PTPRM: variants seen among roughly 807,000 people sequenced by gnomAD.
The protein encoded by PTPRM is protein tyrosine phosphatase receptor type M, also known as receptor-type tyrosine-protein phosphatase mu.
In PTPRM, 47 loss-of-function variants were observed where a neutral mutation model predicts 186.7. The observed-to-expected ratio is 0.25, with a 90% confidence interval of 0.20 to 0.32. The LOEUF is 0.32. Ranked by LOEUF, PTPRM falls within the 10% of genes least tolerant of loss-of-function variation. The pLI is 1.00. For missense variants in PTPRM, 1,494 were observed against 1,865.0 expected, an observed-to-expected ratio of 0.80 and a Z score of 3.66; for synonymous variants, 668 against 674.9, an observed-to-expected ratio of 0.99 and a Z score of 0.16.
rs35120781 is a variant in PTPRM at position 7,687,778 on chromosome 18, A to ATT, written c.74-86354_74-86353dup. ...TGGAGCATAAACAAGGAGCTATAAG[A>ATT]TTTTTTTTTTTTTTTTTTAAGACGG... On this transcript the variant is annotated intron_variant, in intron 1 of 32. Coordinates refer to ENST00000580170, the MANE Select transcript of PTPRM (RefSeq NM_001105244.2). 3.2e-3 allele frequency among the ~76,000 whole-genome samples: 447 copies of ATT among 140,392 alleles called. 3 individuals are homozygous for ATT. Among genetic ancestry groups the ATT allele is most frequent in the African/African-American group, 0.011 (404 of 38,006 alleles). The allele number at this position is 140,392 out of a possible 152,430, so 92.1% of individuals were successfully genotyped here. A position where few individuals can be genotyped will look rare whatever the true frequency, so the allele number is the denominator to read the frequency against.
intron 11 of PTPRM, among the ~76,000 whole-genome samples, chr18:8,108,330 A>G (rs1365513468): frequency 1.3e-5 from 2 of 152,118 alleles, no homozygotes; most frequent in Non-Finnish European, 1.5e-5. Flanking sequence ...TTAGAGGATT[A>G]GCAAAAACAA....
chr18:8,270,811 CAG>C (rs1172937503), intron 19 of PTPRM, among the ~76,000 whole-genome samples: 19 of 152,008 alleles, frequency 1.2e-4, no homozygotes, highest in African/African-American at 4.1e-4. Context: ...GTCATAGAAA[CAG>C]AGTAGAACGA....
intron 19 of PTPRM, among the ~76,000 whole-genome samples, chr18:8,266,515 T>G (rs1461558213): frequency 1.3e-5 from 2 of 152,266 alleles, no homozygotes; most frequent in African/African-American, 4.8e-5. Context: ...AGAGCCCATG[T>G]TTTTGACCAG....
chr18:8,307,773 C>T (rs1404198143), intron 20 of PTPRM, among the ~76,000 whole-genome samples: 1 of 151,468 alleles, frequency 6.6e-6, no homozygotes, highest in Non-Finnish European at 1.5e-5. Flanking sequence ...CATTGCACTC[C>T]AGCCTGGGCA....
chr18:7,757,106 A>T (rs1009404646), intron 1 of PTPRM, among the ~76,000 whole-genome samples: 3 of 152,168 alleles, frequency 2.0e-5, no homozygotes, highest in Non-Finnish European at 1.5e-5. Context: ...TGCCTCTCAG[A>T]ACTTCTCCCA....
chr18:8,267,933 C>T (rs150918767), intron 19 of PTPRM, among the ~76,000 whole-genome samples: 1 of 152,090 alleles, frequency 6.6e-6, no homozygotes, highest in African/African-American at 2.4e-5. Flanking sequence ...TTGTTCGTAT[C>T]CTTTGCATCT....
intron 24 of PTPRM, 33 bp from the exon 25 acceptor site, chr18:8,376,013 C>A (rs1167243458): frequency 1.3e-6 from 2 of 1,585,526 alleles, no homozygotes; most frequent in South Asian, 1.1e-5. Flanking sequence ...TTCCCTTGTT[C>A]TCTTCCTTGT....
At chr18:7,753,852 T>TC (rs1262910143) in intron 1 of PTPRM, among the ~76,000 whole-genome samples, 2 of 152,158 alleles carry the variant, frequency 1.3e-5, no homozygotes, top group African/African-American at 4.8e-5. Context: ...TTCTATTTTT[T>TC]TTTTGGCTGT....
chr18:8,038,750 T>C (rs187550943), intron 7 of PTPRM, among the ~76,000 whole-genome samples: 23 of 152,304 alleles, frequency 1.5e-4, no homozygotes, highest in South Asian at 4.1e-4. Flanking sequence ...GTCACAGTGT[T>C]CATAGTATTT....
At chr18:8,008,192 A>T (rs2147837352) in intron 7 of PTPRM, among the ~76,000 whole-genome samples, 1 of 152,306 alleles carries the variant, frequency 6.6e-6, no homozygotes, top group African/African-American at 2.4e-5. Context: ...CCCTGCTACC[A>T]GCCCCATATC....
chr18:7,726,530 T>C (rs1355542231), intron 1 of PTPRM, among the ~76,000 whole-genome samples: 1 of 152,204 alleles, frequency 6.6e-6, no homozygotes, highest in Non-Finnish European at 1.5e-5. Flanking sequence ...CCAGAAGTTC[T>C]TCAGTAGAGG....
intron 13 of PTPRM, among the ~76,000 whole-genome samples, chr18:8,127,047 A>G (rs2092384676): frequency 6.6e-6 from 1 of 152,124 alleles, no homozygotes; most frequent in Admixed American, 6.6e-5. Context: ...AGAAAGGATC[A>G]GTTTTGCACT....
At chr18:7,657,914 G>A (rs2038888852) in intron 1 of PTPRM, among the ~76,000 whole-genome samples, 1 of 152,080 alleles carries the variant, frequency 6.6e-6, no homozygotes, top group Non-Finnish European at 1.5e-5. Context: ...TTTTACTGAG[G>A]TATAACTAGC....
At position 7,831,853 on chromosome 18, in the gene PTPRM, C is replaced by T. The variant is rs145190024; in HGVS notation, c.197-56253C>T. On this transcript the variant is annotated intron_variant, in intron 2 of 32. Transcript: ENST00000580170. ...GTTCAATTGTTTTGATTTTTAGATTCCACAAATAAGTGAGAACATGTAAGG... is the reference window on the plus strand; with the variant it reads ...GTTCAATTGTTTTGATTTTTAGATTTCACAAATAAGTGAGAACATGTAAGG... 5.8e-3 allele frequency among the ~76,000 whole-genome samples: 889 copies of T among 152,234 alleles called. 4 individuals are homozygous for T. The highest frequency in any genetic ancestry group is 8.0e-3 in the Non-Finnish European group (542 of 68,022).
intron 11 of PTPRM, among the ~76,000 whole-genome samples, chr18:8,096,706 C>G (rs1196834369): frequency 2.0e-5 from 3 of 152,202 alleles, no homozygotes. Context: ...TCTTCTTAAT[C>G]ACAGTTATTG....
In PTPRM at chr18:8,253,115, A is replaced by G. The variant is rs2094543640; in HGVS notation, c.2567-112A>G. ...CTTTTTTGCTGAGCCATCGTAGGGA[A>G]TTTTGCACCCCTAGGTGAGGGGATG... is the stretch of plus-strand genomic sequence containing the variant. On this transcript the variant is annotated intron_variant, in intron 18 of 32. Coordinates refer to ENST00000580170, the MANE Select transcript of PTPRM (RefSeq NM_001105244.2). 3.5e-6 allele frequency: 3 copies of G among 850,308 alleles called. No individual in the cohort carries two copies. In the South Asian group the frequency reaches 1.2e-4, roughly 33 times the overall value. 52.7% of individuals were successfully genotyped at this position (850,308 alleles called of 1,614,324 possible).
intron 2 of PTPRM, among the ~76,000 whole-genome samples, chr18:7,825,732 C>T (rs1395974026): frequency 6.6e-6 from 1 of 152,118 alleles, no homozygotes; most frequent in Non-Finnish European, 1.5e-5. Flanking sequence ...CAAGCGTTTG[C>T]CTCTGTTTTT....
At chr18:8,291,415 G>A (rs1026039229) in intron 19 of PTPRM, among the ~76,000 whole-genome samples, 9 of 152,218 alleles carry the variant, frequency 5.9e-5, no homozygotes, top group African/African-American at 1.2e-4. Context: ...CTTTTCTGTC[G>A]CACTGGGAGG....
At chr18:8,181,186 G>C (rs533251953) in intron 14 of PTPRM, among the ~76,000 whole-genome samples, 41 of 152,350 alleles carry the variant, frequency 2.7e-4, no homozygotes, top group African/African-American at 9.6e-4. Context: ...CTGGAGATTT[G>C]AAAGCTATGT....
Sources: gnomAD v4.1 joint callset for allele counts (sites outside exome capture counted in the v4.1 genomes callset) on GRCh38, gnomAD v4.1.1 for gene constraint, MANE v1.5 for transcripts, NCBI Gene and HGNC (gene_info 2026-07-23, HGNC 2026-07-21) for gene names.